Variants in FKBP3 observed in about 807,000 individuals in gnomAD.
The protein encoded by FKBP3 is FKBP prolyl isomerase 3.
Under a neutral mutation model 30.6 loss-of-function variants are expected in FKBP3, and 21 were observed. That is an observed-to-expected ratio of 0.69 (90% CI 0.49 to 0.99). FKBP3 has a LOEUF of 0.99. FKBP3 is among the 50% of genes least tolerant of loss of function. The probability of loss-of-function intolerance (pLI) is 0.00; values close to 1 mark genes in which losing one functional copy is unlikely to be tolerated. For missense variants in FKBP3, 283 were observed against 261.6 expected, an observed-to-expected ratio of 1.08 and a Z score of -0.56; for synonymous variants, 82 against 91.3, an observed-to-expected ratio of 0.90 and a Z score of 0.58.
chr14:45,134,274 G>C lies in FKBP3; in HGVS notation c.108+75C>G. The C allele has an allele frequency of 6.7e-6, 8 of 1,189,586 alleles. No individual in the cohort carries two copies. In the South Asian group the frequency reaches 1.0e-4, roughly 16 times the overall value. 73.7% of individuals were successfully genotyped at this position (1,189,586 alleles called of 1,614,324 possible). On this transcript the variant is annotated intron_variant, in intron 1 of 6. Transcript: ENST00000396062. ...GAGGGCGGGGGCACAGAGGAATACG[G>C]AATGTATGGGCATCTCCAGGGGGGT...
intron 1 of FKBP3, chr14:45,133,393 G>T: frequency 4.1e-6 from 1 of 246,038 alleles, no homozygotes. Flanking sequence ...TTTGAACCCG[G>T]GAGGCGGAGG....
chr14:45,120,962 A>G lies in FKBP3; in HGVS notation c.455-8T>C. 6.2e-7 allele frequency: 1 copy of G among 1,610,468 alleles called. No individual in the cohort carries two copies. The highest frequency in any genetic ancestry group is 8.5e-7 in the Non-Finnish European group (1 of 1,177,678). On this transcript the variant is annotated splice_polypyrimidine_tract_variant and splice_region_variant and intron_variant, in intron 4 of 6. Transcript: ENST00000396062. ...TTTTCTTCTTCTTTGCACCTGTAAA[A>G]CAGATTTTCCTTATCATTAATGATA... is the stretch of plus-strand genomic sequence containing the variant.
intron 3 of FKBP3, among the ~76,000 whole-genome samples, chr14:45,127,107 G>A (rs896188220): frequency 8.8e-6 from 1 of 113,966 alleles, no homozygotes; most frequent in Non-Finnish European, 1.7e-5. Context: ...GTACCTGACT[G>A]ACCCTGTCTT....
At chr14:45,120,260 T>C (rs186079527) in intron 5 of FKBP3, among the ~76,000 whole-genome samples, 20 of 152,338 alleles carry the variant, frequency 1.3e-4, no homozygotes, top group Admixed American at 7.2e-4. Flanking sequence ...TGCCCTACTC[T>C]TTTATCTTCT....
intron 3 of FKBP3, among the ~76,000 whole-genome samples, chr14:45,127,440 A>G (rs1477094446): frequency 6.6e-6 from 1 of 152,136 alleles, no homozygotes; most frequent in African/African-American, 2.4e-5. Context: ...TCTTAAAAAA[A>G]TAAAATAAAA....
chr14:45,126,475 G>A (rs1033513789), intron 3 of FKBP3, among the ~76,000 whole-genome samples: 11 of 151,738 alleles, frequency 7.2e-5, no homozygotes, highest in East Asian at 2.0e-4. Flanking sequence ...GCAACAGAGC[G>A]TGACCCCGTC....
In FKBP3 at chr14:45,127,115, C is replaced by CTTTTTTTTTTTTTTTTTTTT. The variant is rs1231283034; in HGVS notation, c.318+2678_318+2679insAAAAAAAAAAAAAAAAAAAA. Among the ~76,000 whole-genome samples, 28 of 120,668 alleles carry CTTTTTTTTTTTTTTTTTTTT rather than the reference C, an allele frequency of 2.3e-4. 3 individuals are homozygous for CTTTTTTTTTTTTTTTTTTTT. Among genetic ancestry groups the CTTTTTTTTTTTTTTTTTTTT allele is most frequent in the African/African-American group, 9.3e-4 (25 of 26,982 alleles). 79.2% of individuals were successfully genotyped at this position (120,668 alleles called of 152,430 possible). ...AGCCACTGTACCTGACTGACCCTGT[C>CTTTTTTTTTTTTTTTTTTTT]TTTTTTTTTTTTTTTGAGACAGAGT... On this transcript the variant is annotated intron_variant, in intron 3 of 6. Coordinates refer to ENST00000396062, the MANE Select transcript of FKBP3 (RefSeq NM_002013.4).
chr14:45,121,703 C>G (rs1884990176), intron 3 of FKBP3, 83 bp from the exon 4 acceptor site: 1 of 1,474,106 alleles, frequency 6.8e-7, no homozygotes, highest in East Asian at 2.3e-5. Context: ...CAACAATGAC[C>G]AAAGTCAGTT....
chr14:45,121,699 T>C, intron 3 of FKBP3, 79 bp from the exon 4 acceptor site: 2 of 1,501,374 alleles, frequency 1.3e-6, no homozygotes, highest in Non-Finnish European at 1.8e-6. Flanking sequence ...TAGCCAACAA[T>C]GACCAAAGTC....
chr14:45,127,113 G>GTTTTTTTTTTTTTTTTTTTTT, intron 3 of FKBP3, among the ~76,000 whole-genome samples: 1 of 110,136 alleles, frequency 9.1e-6, no homozygotes, highest in African/African-American at 5.1e-5. Context: ...GACTGACCCT[G>GTTTTTTTTTTTTTTTTTTTTT]TCTTTTTTTT....
Position 45,116,234 on chromosome 14 carries a change from T to G in FKBP3, c.639A>C (p.Lys213Asn), listed in dbSNP as rs901207520. 6 of 1,612,728 alleles carry G rather than the reference T, an allele frequency of 3.7e-6. No individual in the cohort carries two copies. Among genetic ancestry groups the G allele is most frequent in the African/African-American group, 1.3e-5 (1 of 74,792 alleles). ...CCACTAATTCCACTTCAAAAGTGAG[T>G]TTTGCATTTGGTGGAATTCTGTTGA... ...QPDAKIPPNAKLTFEVELVDI... is the reference protein window; with the variant it reads ...QPDAKIPPNANLTFEVELVDI... The change falls in exon 7 of 7, where the codon AAA becomes AAC. Residue 213 changes from lysine to asparagine, a missense_variant. By Grantham distance (94) the Lys-to-Asn change is moderately conservative (BLOSUM62 0). Transcript: ENST00000396062.
Position 45,134,397 on chromosome 14 carries a change from C to T in FKBP3, c.60G>A (p.Leu20=). 1 of 1,613,740 alleles carries T rather than the reference C, an allele frequency of 6.2e-7. No individual in the cohort carries two copies. The highest frequency in any genetic ancestry group is 8.5e-7 in the Non-Finnish European group (1 of 1,179,796). ...GAAACTTGATAATGTCCTTCTTGGG[C>T]AGCTGCTCACTGCGCAGCTGCTCCA... ...WTVEQLRSEQ[L]PKKDIIKFLQ... is the part of the protein sequence containing the mutation. The change falls in exon 1 of 7, where the codon CTG becomes CTA. Residue 20 remains leucine, a synonymous_variant. Coordinates refer to ENST00000396062, the MANE Select transcript of FKBP3 (RefSeq NM_002013.4).
chr14:45,129,689 C>G, intron 3 of FKBP3, 105 bp downstream of exon 3: 1 of 629,058 alleles, frequency 1.6e-6, no homozygotes, highest in Non-Finnish European at 2.6e-6. Flanking sequence ...TGAAAGTGGT[C>G]GTATTCAACC....
chr14:45,120,644 C>T (rs1020623059), intron 5 of FKBP3, among the ~76,000 whole-genome samples: 1 of 152,194 alleles, frequency 6.6e-6, no homozygotes, highest in Non-Finnish European at 1.5e-5. Flanking sequence ...TTAGGTACTT[C>T]AAGTTATGCT....
chr14:45,120,888 CCT>C lies in FKBP3; in HGVS notation c.519_520del (p.Gly174MetfsTer3). 1 of 1,611,844 alleles carries C rather than the reference CCT, an allele frequency of 6.2e-7. No homozygotes were observed. Among genetic ancestry groups the C allele is most frequent in the Non-Finnish European group, 8.5e-7 (1 of 1,178,466 alleles). ...GATTCATTGGCATTCTTTACTTACT[CCT>C]CTGATAACTTTGCCTACTCCGACCT... On this transcript the variant is annotated frameshift_variant and splice_region_variant, in exon 5 of 7. Transcript: ENST00000396062. LOFTEE classifies it high-confidence loss of function.
chr14:45,116,980 C>T (rs527725774), intron 6 of FKBP3, among the ~76,000 whole-genome samples: 4 of 150,148 alleles, frequency 2.7e-5, no homozygotes, highest in Non-Finnish European at 5.9e-5. Context: ...ATTTCCCCGC[C>T]CCCCCCACCG....
At chr14:45,121,720 GTT>G (rs1355321903) in intron 3 of FKBP3, 100 bp from the exon 4 acceptor site, 1 of 1,331,356 alleles carries the variant, frequency 7.5e-7, no homozygotes, top group Non-Finnish European at 1.0e-6. Context: ...AGTTTAAAGA[GTT>G]TGATGGATTT....
chr14:45,123,123 G>T (rs1232914993), intron 3 of FKBP3, among the ~76,000 whole-genome samples: 3 of 151,466 alleles, frequency 2.0e-5, no homozygotes, highest in Non-Finnish European at 4.4e-5. Context: ...AATCCAGGAG[G>T]CGGAGGTTGC....
In FKBP3 at chr14:45,130,787, T is replaced by C; in HGVS notation, c.122A>G (p.His41Arg). The stretch of plus-strand genomic sequence containing the variant: ...ATTTTTAATGTTTCCTAATAATTTA[T>C]GTTCTGCAAGAAACTATAAGGAAAA... ...EHGSDSFLAE[H>R]KLLGNIKNVA... is the part of the protein sequence containing the mutation. The change falls in exon 2 of 7, where the codon CAT becomes CGT. Residue 41 changes from histidine to arginine, a missense_variant. Physicochemically the swap from His to Arg is conservative, Grantham distance 29. Transcript: ENST00000396062. 1.2e-6 allele frequency: 2 copies of C among 1,605,530 alleles called. No homozygotes were observed. The highest frequency in any genetic ancestry group is 1.7e-6 in the Non-Finnish European group (2 of 1,175,452).
Sources: gnomAD v4.1 joint callset for allele counts (sites outside exome capture counted in the v4.1 genomes callset) on GRCh38, gnomAD v4.1.1 for gene constraint, MANE v1.5 for transcripts, NCBI Gene and HGNC (gene_info 2026-07-23, HGNC 2026-07-21) for gene names.